MDGA2: variants seen among roughly 807,000 people sequenced by gnomAD.
MDGA2 encodes the protein MAM domain containing glycosylphosphatidylinositol anchor 2, also known as MAM domain-containing glycosylphosphatidylinositol anchor protein 2.
In MDGA2, 40 loss-of-function variants were observed where a neutral mutation model predicts 117.8. The observed-to-expected ratio is 0.34, with a 90% CI of 0.26 to 0.44. The LOEUF is 0.44. MDGA2 is among the 20% of genes least tolerant of loss of function. MDGA2 has a pLI of 1.00. For synonymous variants in MDGA2, 452 were observed against 439.0 expected (o/e 1.03, Z -0.37); for missense variants, 1,123 against 1,250.6 (o/e 0.90, Z 1.54).
intron 6 of MDGA2, among the ~76,000 whole-genome samples, chr14:47,095,498 T>TA (rs1032746660): frequency 2.6e-5 from 4 of 151,824 alleles, no homozygotes; most frequent in East Asian, 1.9e-4. Flanking sequence ...TGACATATTT[T>TA]AAAAAAAATC....
chr14:46,953,659 C>T (rs1045361756), intron 9 of MDGA2, among the ~76,000 whole-genome samples: 1 of 151,870 alleles, frequency 6.6e-6, no homozygotes, highest in African/African-American at 2.4e-5. Flanking sequence ...ATATTAGTCT[C>T]CCGATGCCCA....
Position 47,538,769 on chromosome 14 carries a change from CTATGTG to C in MDGA2, c.280+135742_280+135747del, listed in dbSNP as rs561031751. ...TAAAAATCCCCTTGTCTACTCTACCCTATGTGATTAGCATAGCAATTATACAGCACG... is the reference window on the plus strand; with the variant it reads ...TAAAAATCCCCTTGTCTACTCTACCCATTAGCATAGCAATTATACAGCACG... On this transcript the variant is annotated intron_variant, in intron 1 of 16. Transcript: ENST00000399232. Among the ~76,000 whole-genome samples, 609 of 152,310 alleles carry C rather than the reference CTATGTG, an allele frequency of 4.0e-3. 3 individuals carry two copies. The highest frequency in any genetic ancestry group is 6.0e-3 in the Non-Finnish European group (409 of 68,032).
chr14:47,332,171 T>C (rs889188317), intron 1 of MDGA2, among the ~76,000 whole-genome samples: 1 of 152,130 alleles, frequency 6.6e-6, no homozygotes, highest in South Asian at 2.1e-4. Context: ...TGTAATTCCA[T>C]ACAAGGTGAT....
intron 2 of MDGA2, among the ~76,000 whole-genome samples, chr14:47,283,634 T>C (rs1353552269): frequency 6.6e-6 from 1 of 152,252 alleles, no homozygotes; most frequent in East Asian, 1.9e-4. Flanking sequence ...TTAAATCTTT[T>C]TGATGCTCGG....
chr14:47,272,186 T>G (rs1047493022), intron 2 of MDGA2, among the ~76,000 whole-genome samples: 1 of 151,880 alleles, frequency 6.6e-6, no homozygotes. Context: ...TTAATTTCGT[T>G]GAGACCTAAC....
intron 1 of MDGA2, among the ~76,000 whole-genome samples, chr14:47,570,155 T>G (rs1241152663): frequency 6.6e-6 from 1 of 152,128 alleles, no homozygotes; most frequent in African/African-American, 2.4e-5. Context: ...ATCTTCTTTC[T>G]CAAATATGCC....
At chr14:46,968,960 T>C (rs373323082) in intron 8 of MDGA2, among the ~76,000 whole-genome samples, 1 of 151,016 alleles carries the variant, frequency 6.6e-6, no homozygotes, top group Admixed American at 6.6e-5. Flanking sequence ...TGAGAAAAAA[T>C]CAAGAAAACA....
intron 1 of MDGA2, among the ~76,000 whole-genome samples, chr14:47,552,770 C>A (rs1324892325): frequency 6.6e-6 from 1 of 151,572 alleles, no homozygotes; most frequent in Non-Finnish European, 1.5e-5. Flanking sequence ...TTTTTTCTTT[C>A]TTACTAAAAG....
intron 1 of MDGA2, among the ~76,000 whole-genome samples, chr14:47,396,499 A>G (rs1892012095): frequency 6.6e-6 from 1 of 152,234 alleles, no homozygotes. Flanking sequence ...GGATCTAATT[A>G]AACTGAAGAG....
At chr14:47,655,924 T>C (rs1213461098) in intron 1 of MDGA2, among the ~76,000 whole-genome samples, 1 of 152,190 alleles carries the variant, frequency 6.6e-6, no homozygotes, top group Admixed American at 6.5e-5. Context: ...GAAGTATCTT[T>C]AGTGTGACAA....
chr14:47,074,489 A>G (rs1359931157), intron 6 of MDGA2, among the ~76,000 whole-genome samples: 1 of 152,016 alleles, frequency 6.6e-6, no homozygotes, highest in Non-Finnish European at 1.5e-5. Flanking sequence ...TTTAGTTGAG[A>G]CGGGGTTTCA....
chr14:47,289,786 T>C (rs1353378235), intron 2 of MDGA2, among the ~76,000 whole-genome samples: 1 of 152,156 alleles, frequency 6.6e-6, no homozygotes, highest in Non-Finnish European at 1.5e-5. Flanking sequence ...GTTCTGACCT[T>C]ATCCTTCTAC....
chr14:47,179,584 AT>A (rs1308578102), intron 3 of MDGA2, among the ~76,000 whole-genome samples: 2 of 152,018 alleles, frequency 1.3e-5, no homozygotes, highest in African/African-American at 2.4e-5. Context: ...TTGTAAAATC[AT>A]TTTTTTATTA....
At position 47,547,151 on chromosome 14, in the gene MDGA2, T is replaced by G. The variant is rs568367832; in HGVS notation, c.280+127366A>C. On this transcript the variant is annotated intron_variant, in intron 1 of 16. Transcript: ENST00000399232. ...CTCTACTTTAGTCCTAACCTAATTT[T>G]TTCATTATTGATAAGACAGTGACAG... Among the ~76,000 whole-genome samples the G allele has an allele frequency of 3.9e-5, 6 of 152,328 alleles. No individual in the cohort carries two copies. In the South Asian group the frequency reaches 1.2e-3, roughly 32 times the overall value.
At chr14:47,181,477 G>C (rs570418165) in intron 3 of MDGA2, among the ~76,000 whole-genome samples, 2 of 152,274 alleles carry the variant, frequency 1.3e-5, no homozygotes, top group African/African-American at 4.8e-5. Flanking sequence ...TCCTTTGCAG[G>C]GACATGGATG....
At chr14:47,148,291 C>T (rs944119080) in intron 3 of MDGA2, among the ~76,000 whole-genome samples, 3 of 152,108 alleles carry the variant, frequency 2.0e-5, no homozygotes, top group East Asian at 1.9e-4. Context: ...GAAAGCAATC[C>T]TCCAGTAGGT....
At chr14:47,076,040 A>G (rs1329211323) in intron 6 of MDGA2, among the ~76,000 whole-genome samples, 1 of 152,132 alleles carries the variant, frequency 6.6e-6, no homozygotes, top group Non-Finnish European at 1.5e-5. Flanking sequence ...CTAACAAATA[A>G]AACTAGTGAA....
intron 1 of MDGA2, among the ~76,000 whole-genome samples, chr14:47,359,748 C>CAAAAAAAAAAAAAAAAA (rs71448198): frequency 3.6e-5 from 4 of 110,766 alleles, no homozygotes; most frequent in African/African-American, 7.1e-5. Context: ...AAGACTGTCT[C>CAAAAAAAAAAAAAAAAA]AAAAAAAAAA....
At chr14:46,858,292 T>A (rs150023858) in intron 14 of MDGA2, among the ~76,000 whole-genome samples, 892 of 151,806 alleles carry the variant, frequency 5.9e-3, no homozygotes, top group South Asian at 0.023. Context: ...AGCCCTTTAG[T>A]ATAGTTTCTC....
Sources: gnomAD v4.1 joint callset for allele counts (sites outside exome capture counted in the v4.1 genomes callset) on GRCh38, gnomAD v4.1.1 for gene constraint, MANE v1.5 for transcripts, NCBI Gene and HGNC (gene_info 2026-07-23, HGNC 2026-07-21) for gene names.